Variants in GLRA2 observed in about 807,000 individuals in gnomAD.
GLRA2 encodes glycine receptor alpha 2, also known as glycine receptor subunit alpha-2.
Under a neutral mutation model 31.6 loss-of-function variants are expected in GLRA2, and 11 were observed. That is an observed-to-expected ratio of 0.35 (90% CI 0.22 to 0.58). The LOEUF is 0.58. Ranked by LOEUF, GLRA2 falls within the 20% of genes least tolerant of loss-of-function variation. The pLI is 0.84. For synonymous variants in GLRA2, 132 were observed against 134.0 expected (o/e 0.99, Z 0.10); for missense variants, 212 against 351.8 (o/e 0.60, Z 3.18).
chrX:14,709,161 C>T (rs1046042922), intron 8 of GLRA2, among the ~76,000 whole-genome samples: 1 of 111,009 alleles, frequency 9.0e-6, no homozygotes, highest in Non-Finnish European at 1.9e-5. Flanking sequence ...CGTAGGCCAG[C>T]AGTTCAAGGC....
At chrX:14,581,648 C>T (rs1469757860) in intron 4 of GLRA2, among the ~76,000 whole-genome samples, 4 of 111,027 alleles carry the variant, frequency 3.6e-5, no homozygotes, top group African/African-American at 1.3e-4. Context: ...ATCACCTGCA[C>T]AAATGTGTTC....
chrX:14,500,619 C>A, the GLRA2 span, among the ~76,000 whole-genome samples: 2 of 111,994 alleles, frequency 1.8e-5, no homozygotes, highest in Non-Finnish European at 3.8e-5. Flanking sequence ...CCACCTTTGT[C>A]TTACTTTCAC....
intron 7 of GLRA2, among the ~76,000 whole-genome samples, chrX:14,634,345 G>A (rs989613386): frequency 8.9e-6 from 1 of 112,086 alleles, no homozygotes; most frequent in South Asian, 3.7e-4. Context: ...AAGATTTTGG[G>A]AAGAAGTACA....
In GLRA2 at chrX:14,588,508, G is replaced by T. The variant is rs765050914; in HGVS notation, c.494+7102G>T. Among the ~76,000 whole-genome samples, 10 of 111,742 alleles carry T rather than the reference G, an allele frequency of 8.9e-5. No homozygotes were observed. In the South Asian group the frequency reaches 1.5e-3, roughly 17 times the overall value. ...GCCTTATAGTACAGTTTGAACTTGGGTAGTGTGATGCCTCCAGCTTTCTTC... is the reference window on the plus strand; with the variant it reads ...GCCTTATAGTACAGTTTGAACTTGGTTAGTGTGATGCCTCCAGCTTTCTTC... On this transcript the variant is annotated intron_variant, in intron 4 of 8. Transcript: ENST00000218075.
intron 7 of GLRA2, among the ~76,000 whole-genome samples, chrX:14,683,706 C>A (rs2091243193): frequency 9.0e-6 from 1 of 111,053 alleles, no homozygotes; most frequent in African/African-American, 3.3e-5. Context: ...TTTAATCCAT[C>A]TTGAATTGAT....
chrX:14,582,800 G>C (rs1358384163), intron 4 of GLRA2, among the ~76,000 whole-genome samples: 1 of 112,043 alleles, frequency 8.9e-6, no homozygotes, highest in Non-Finnish European at 1.9e-5. Flanking sequence ...TTGCAGACCA[G>C]ATTGCCTCTG....
intron 2 of GLRA2, among the ~76,000 whole-genome samples, chrX:14,534,852 G>A (rs2089301843): frequency 9.1e-6 from 1 of 110,363 alleles, no homozygotes; most frequent in African/African-American, 3.3e-5. Flanking sequence ...TAGCTGAGGT[G>A]AAGAGAAGGA....
chrX:14,681,910 AATAT>A (rs1556060452), intron 7 of GLRA2, among the ~76,000 whole-genome samples: 21 of 41,280 alleles, frequency 5.1e-4, no homozygotes, highest in African/African-American at 1.6e-3. Context: ...AAAAAAAAAA[AATAT>A]ATATATATAT....
intron 7 of GLRA2, among the ~76,000 whole-genome samples, chrX:14,643,073 T>A (rs752617831): frequency 8.9e-6 from 1 of 111,816 alleles, no homozygotes; most frequent in East Asian, 2.8e-4. Flanking sequence ...GGAGAAGGAA[T>A]GTTGGCAGCC....
At chrX:14,699,806 G>A (rs1254712788) in intron 8 of GLRA2, among the ~76,000 whole-genome samples, 1 of 111,576 alleles carries the variant, frequency 9.0e-6, no homozygotes, top group African/African-American at 3.3e-5. Flanking sequence ...TTCCACATAT[G>A]AGTGAGATCA....
chrX:14,685,355 CT>C (rs1170633208), intron 7 of GLRA2, among the ~76,000 whole-genome samples: 1 of 111,911 alleles, frequency 8.9e-6, no homozygotes, highest in Non-Finnish European at 1.9e-5. Context: ...AGGATTCCCT[CT>C]TTTTCTATTG....
At chrX:14,480,655 G>A in the GLRA2 span, among the ~76,000 whole-genome samples, 1 of 111,300 alleles carries the variant, frequency 9.0e-6, no homozygotes, top group African/African-American at 3.3e-5. Flanking sequence ...ACTTTTTGAA[G>A]ATCAGATGGC....
the GLRA2 span, among the ~76,000 whole-genome samples, chrX:14,508,956 G>C: frequency 9.0e-6 from 1 of 111,344 alleles, no homozygotes; most frequent in African/African-American, 3.3e-5. Context: ...CATTAGAGTG[G>C]CCCTAGGATA....
rs73635044 is a variant in GLRA2 at position 14,532,983 on chromosome X, G to A, written c.202+611G>A. Reference sequence around the variant, plus strand: ...GGTGGATACTTTCTTTGTTCAATTAGAAGCAAACCAATATTTTTTGTTTTT... The same window carrying A: ...GGTGGATACTTTCTTTGTTCAATTAAAAGCAAACCAATATTTTTTGTTTTT... On this transcript the variant is annotated intron_variant, in intron 2 of 8. Transcript: ENST00000218075. 5.3e-3 allele frequency among the ~76,000 whole-genome samples: 587 copies of A among 111,297 alleles called. 6 individuals carry two copies. Among genetic ancestry groups the A allele is most frequent in the African/African-American group, 0.018 (549 of 30,822 alleles).
chrX:14,701,467 G>T (rs2091540210), intron 8 of GLRA2, among the ~76,000 whole-genome samples: 2 of 111,547 alleles, frequency 1.8e-5, no homozygotes, highest in South Asian at 3.8e-4. Context: ...TGGACCCTGT[G>T]TGTCTGCACA....
At chrX:14,538,118 G>A (rs980648513) in intron 2 of GLRA2, among the ~76,000 whole-genome samples, 22 of 110,023 alleles carry the variant, frequency 2.0e-4, no homozygotes, top group African/African-American at 6.9e-4. Context: ...ATTGCAATAA[G>A]TTTGTCAGCA....
At chrX:14,499,332 G>T in the GLRA2 span, among the ~76,000 whole-genome samples, 19 of 111,312 alleles carry the variant, frequency 1.7e-4, no homozygotes, top group African/African-American at 2.9e-4. Context: ...TTTCATTGTG[G>T]TTTTGATTTG....
intron 2 of GLRA2, among the ~76,000 whole-genome samples, chrX:14,562,870 G>GT (rs997666990): frequency 1.4e-4 from 16 of 111,817 alleles, no homozygotes; most frequent in African/African-American, 5.2e-4. Flanking sequence ...GCATATGAAT[G>GT]TGGGGGGGAC....
At chrX:14,458,366 T>C in the GLRA2 span, among the ~76,000 whole-genome samples, 2 of 112,086 alleles carry the variant, frequency 1.8e-5, no homozygotes, top group African/African-American at 3.3e-5. Context: ...GCATGATTTA[T>C]AGTCCTTTGG....
Sources: allele counts gnomAD v4.1 joint callset (sites outside exome capture counted in the v4.1 genomes callset), GRCh38; gene constraint gnomAD v4.1.1; transcripts MANE v1.5; gene names NCBI Gene and HGNC (gene_info 2026-07-23, HGNC 2026-07-21).